TANC2: variants seen among roughly 807,000 people sequenced by gnomAD.
The protein encoded by TANC2 is protein TANC2.
In TANC2, 26 loss-of-function variants were observed where a neutral mutation model predicts 210.5. The observed-to-expected ratio is 0.12, with a 90% CI of 0.09 to 0.17. The LOEUF (loss-of-function observed/expected upper bound fraction) is 0.17, where lower values mean the gene tolerates loss of function less well. TANC2 is among the 10% of genes least tolerant of loss of function. The pLI is 1.00. For missense variants in TANC2, 2,129 were observed against 2,608.9 expected, an observed-to-expected ratio of 0.82 and a Z score of 4.01; for synonymous variants, 931 against 967.1, an observed-to-expected ratio of 0.96 and a Z score of 0.69.
chr17:63,093,319 C>T (rs998369359), intron 3 of TANC2, among the ~76,000 whole-genome samples: 7 of 151,716 alleles, frequency 4.6e-5, no homozygotes, highest in East Asian at 1.9e-4. Flanking sequence ...CTTCAAGGTC[C>T]GTGTTTTTGC....
exon 28 of TANC2, chr17:63,426,029 G>C (rs902142164): frequency 2.6e-5 from 4 of 152,254 alleles, no homozygotes; most frequent in Non-Finnish European, 4.4e-5. Context: ...GCTATCCCAG[G>C]GGGCAAGAGG....
At chr17:63,221,550 A>C (rs969184243) in intron 7 of TANC2, among the ~76,000 whole-genome samples, 1 of 152,190 alleles carries the variant, frequency 6.6e-6, no homozygotes, top group Admixed American at 6.5e-5. Flanking sequence ...TAAGTGAAGA[A>C]TCCTCACAGC....
At chr17:63,170,964 C>T (rs2040383678) in intron 5 of TANC2, among the ~76,000 whole-genome samples, 1 of 151,954 alleles carries the variant, frequency 6.6e-6, no homozygotes, top group South Asian at 2.1e-4. Context: ...CTTTCTGCTT[C>T]TGATCTCCAT....
At chr17:63,249,697 T>C (rs187470150) in intron 8 of TANC2, among the ~76,000 whole-genome samples, 41 of 152,280 alleles carry the variant, frequency 2.7e-4, no homozygotes, top group African/African-American at 9.9e-4. Context: ...AAACTTTTAA[T>C]AGAGATTTTG....
chr17:63,414,357 G>A (rs2048795452), intron 25 of TANC2: 1 of 152,208 alleles, frequency 6.6e-6, no homozygotes, highest in African/African-American at 2.4e-5. Context: ...ATTCTCACCT[G>A]TGTCAGGAGT....
intron 9 of TANC2, among the ~76,000 whole-genome samples, chr17:63,284,915 A>G (rs1198725231): frequency 6.6e-6 from 1 of 152,100 alleles, no homozygotes; most frequent in Non-Finnish European, 1.5e-5. Flanking sequence ...CTTTGTTATT[A>G]GAGCGTGTAT....
intron 8 of TANC2, among the ~76,000 whole-genome samples, chr17:63,247,535 T>C (rs971200078): frequency 2.6e-5 from 4 of 152,060 alleles, no homozygotes; most frequent in Admixed American, 2.6e-4. Context: ...GTTACATCTG[T>C]AGACTAGACC....
At chr17:62,999,162 C>G (rs1366096907) in intron 1 of TANC2, among the ~76,000 whole-genome samples, 1 of 152,106 alleles carries the variant, frequency 6.6e-6, no homozygotes, top group Non-Finnish European at 1.5e-5. Flanking sequence ...TGAGTCAGCT[C>G]TTGAGAGATG....
At chr17:63,236,866 T>C (rs2042635638) in intron 7 of TANC2, among the ~76,000 whole-genome samples, 1 of 152,216 alleles carries the variant, frequency 6.6e-6, no homozygotes, top group South Asian at 2.1e-4. Flanking sequence ...TGTGTGTATA[T>C]ACCACATTTC....
At chr17:63,061,516 T>C (rs1432693629) in intron 2 of TANC2, among the ~76,000 whole-genome samples, 1 of 152,230 alleles carries the variant, frequency 6.6e-6, no homozygotes, top group East Asian at 1.9e-4. Context: ...CAGGGTACTC[T>C]TGAAATACAT....
At chr17:63,029,555 T>A (rs2034685919) in intron 2 of TANC2, among the ~76,000 whole-genome samples, 2 of 152,150 alleles carry the variant, frequency 1.3e-5, no homozygotes, top group Non-Finnish European at 2.9e-5. Flanking sequence ...TGCTGTTCAG[T>A]ACAACTTTCT....
intron 26 of TANC2, 133 bp downstream of exon 26, chr17:63,415,807 G>C: frequency 2.9e-6 from 3 of 1,040,100 alleles, no homozygotes; most frequent in Non-Finnish European, 4.1e-6. Flanking sequence ...ACAGAGCACT[G>C]ACATTTGCAA....
At chr17:63,262,811 C>G (rs754374893) in intron 8 of TANC2, among the ~76,000 whole-genome samples, 1 of 152,132 alleles carries the variant, frequency 6.6e-6, no homozygotes, top group Non-Finnish European at 1.5e-5. Flanking sequence ...TTCATGGAAA[C>G]ATTAGAACAG....
chr17:63,258,116 C>T (rs1048880234), intron 8 of TANC2, among the ~76,000 whole-genome samples: 2 of 152,114 alleles, frequency 1.3e-5, no homozygotes, highest in African/African-American at 2.4e-5. Context: ...AGGATGTTTT[C>T]CCTGGATACG....
chr17:63,136,315 A>G (rs1377241282), intron 4 of TANC2, among the ~76,000 whole-genome samples: 4 of 152,192 alleles, frequency 2.6e-5, no homozygotes, highest in African/African-American at 7.2e-5. Context: ...TGTGTCTGGT[A>G]TATCCTTTTA....
intron 17 of TANC2, 106 bp from the exon 18 acceptor site, chr17:63,395,637 A>G: frequency 9.7e-7 from 1 of 1,034,154 alleles, no homozygotes; most frequent in Non-Finnish European, 1.4e-6. Flanking sequence ...CAGGAGTGGA[A>G]AGGATGATTC....
chr17:63,302,052 G>A (rs930161931), intron 9 of TANC2, among the ~76,000 whole-genome samples: 23 of 152,216 alleles, frequency 1.5e-4, no homozygotes, highest in Non-Finnish European at 1.5e-4. Context: ...AGTCATTCAG[G>A]AGCAAGTTGT....
At chr17:63,362,460 T>C (rs1278881937) in intron 14 of TANC2, among the ~76,000 whole-genome samples, 1 of 152,174 alleles carries the variant, frequency 6.6e-6, no homozygotes, top group Non-Finnish European at 1.5e-5. Context: ...CCCAGGAGCC[T>C]GTCTGCCTCC....
At chr17:63,164,193 G>GGT (rs2040128332) in intron 5 of TANC2, among the ~76,000 whole-genome samples, 2 of 144,670 alleles carry the variant, frequency 1.4e-5, no homozygotes, top group African/African-American at 2.6e-5. Context: ...GGAGTATAGT[G>GGT]GTGTGATCAT....
Sources: allele counts gnomAD v4.1 joint callset (sites outside exome capture counted in the v4.1 genomes callset), GRCh38; gene constraint gnomAD v4.1.1; transcripts MANE v1.5; gene names NCBI Gene and HGNC (gene_info 2026-07-23, HGNC 2026-07-21).